Variants in STX1A observed in about 807,000 individuals in gnomAD.
The protein encoded by STX1A is syntaxin 1A.
In STX1A, 4 loss-of-function variants were observed where a neutral mutation model predicts 37.8. The observed-to-expected ratio is 0.11, with a 90% CI of 0.05 to 0.24. The LOEUF (loss-of-function observed/expected upper bound fraction) is 0.24, where lower values mean the gene tolerates loss of function less well. STX1A is among the 10% of genes least tolerant of loss of function. The pLI, the probability that STX1A is intolerant of heterozygous loss-of-function variation, is 1.00. For missense variants in STX1A, 251 were observed against 399.9 expected (o/e 0.63, Z 3.18); for synonymous variants, 135 against 147.4 (o/e 0.92, Z 0.61).
Position 73,700,668 on chromosome 7 carries a change from G to T in STX1A, c.789+62C>A. The T allele has an allele frequency of 6.3e-7, 1 of 1,598,360 alleles. No homozygotes were observed. The highest frequency in any genetic ancestry group is 8.5e-7 in the Non-Finnish European group (1 of 1,170,484). On this transcript the variant is annotated intron_variant, in intron 9 of 9. Coordinates refer to ENST00000222812, the MANE Select transcript of STX1A (RefSeq NM_004603.4). The surrounding 1 kb of genome is among the most constrained non-coding windows in gnomAD (Gnocchi z 4.4). Reference sequence around the variant, plus strand: ...GAGAGGTGGGATGGGGAGGGATGTGGGATGGTTGGGGGTCCCTAATGGGTG... The same window carrying T: ...GAGAGGTGGGATGGGGAGGGATGTGTGATGGTTGGGGGTCCCTAATGGGTG...
At chr7:73,718,029 G>A (rs1316517787) in intron 1 of STX1A, among the ~76,000 whole-genome samples, 1 of 152,064 alleles carries the variant, frequency 6.6e-6, no homozygotes, top group African/African-American at 2.4e-5. Context: ...CTGACCACTT[G>A]GTTCCCACAC....
Position 73,709,327 on chromosome 7 carries a change from C to A in STX1A, c.31-205G>T, listed in dbSNP as rs951365511. On this transcript the variant is annotated intron_variant, in intron 1 of 9. Transcript: ENST00000222812. The surrounding 1 kb of genome is among the most constrained non-coding windows in gnomAD (Gnocchi z 4.2). Reference sequence around the variant, plus strand: ...TGGGGGCCCGGCACAGAGAGAGGAACCTTGCCTGATACACTGGTGTCAAGG... The same window carrying A: ...TGGGGGCCCGGCACAGAGAGAGGAAACTTGCCTGATACACTGGTGTCAAGG... Among the ~76,000 whole-genome samples the A allele has an allele frequency of 7.2e-5, 11 of 152,082 alleles. No homozygotes were observed. The highest frequency in any genetic ancestry group is 2.7e-4 in the African/African-American group (11 of 41,400).
rs1426799496 is a variant in STX1A at position 73,709,421 on chromosome 7, G to A, written c.31-299C>T. Among the ~76,000 whole-genome samples, 1 of 152,124 alleles carries A rather than the reference G, an allele frequency of 6.6e-6. No homozygotes were observed. Among genetic ancestry groups the A allele is most frequent in the African/African-American group, 2.4e-5 (1 of 41,424 alleles). On this transcript the variant is annotated intron_variant, in intron 1 of 9. Transcript: ENST00000222812. The surrounding 1 kb of genome is among the most constrained non-coding windows in gnomAD (Gnocchi z 4.2). ...CTGCCTGCCCCCTCCCTGTGGCTGGGGAGGCAAGCGAGCCTGGGGCCGGCC... is the reference window on the plus strand; with the variant it reads ...CTGCCTGCCCCCTCCCTGTGGCTGGAGAGGCAAGCGAGCCTGGGGCCGGCC...
Position 73,705,352 on chromosome 7 carries a change from G to A in STX1A, c.209-128C>T. ...GATCCCTGTTCTCCCCTGTTCCCCT[G>A]GCTAAGGCTCTGCCTGCCCGCCCCC... On this transcript the variant is annotated intron_variant, in intron 3 of 9. Coordinates refer to ENST00000222812, the MANE Select transcript of STX1A (RefSeq NM_004603.4). This position sits in a 1 kb window ranked among gnomAD's most constrained non-coding sequence, Gnocchi z 5.2. The A allele has an allele frequency of 1.3e-6, 1 of 775,892 alleles. No homozygotes were observed. Among genetic ancestry groups the A allele is most frequent in the Non-Finnish European group, 2.2e-6 (1 of 461,668 alleles). The allele number at this position is 775,892 out of a possible 1,614,324, so 48.1% of individuals were successfully genotyped here. A position where few individuals can be genotyped will look rare whatever the true frequency, so the allele number is the denominator to read the frequency against.
chr7:73,713,531 C>A (rs1799178830), intron 1 of STX1A, among the ~76,000 whole-genome samples: 1 of 152,174 alleles, frequency 6.6e-6, no homozygotes, highest in South Asian at 2.1e-4. Context: ...GAGTTTGAGA[C>A]CAGCCAGGGC....
chr7:73,708,729 G>C, intron 2 of STX1A, 41 bp from the exon 3 acceptor site: 1 of 1,594,840 alleles, frequency 6.3e-7, no homozygotes, highest in Non-Finnish European at 8.6e-7. Flanking sequence ...GGAAATCAGG[G>C]GAGAAGCCTT....
Position 73,700,204 on chromosome 7 carries a change from C to T in STX1A, c.*203G>A, listed in dbSNP as rs928647229. The stretch of plus-strand genomic sequence containing the variant: ...CTGGCTGCCTCCCTCTGCCTCTTCC[C>T]GTACAGACGCACACTCACAGAGATC... On this transcript the variant is annotated 3_prime_UTR_variant, in exon 10 of 10. Coordinates refer to ENST00000222812, the MANE Select transcript of STX1A (RefSeq NM_004603.4). This position sits in a 1 kb window ranked among gnomAD's most constrained non-coding sequence, Gnocchi z 4.4. 26 of 619,274 alleles carry T rather than the reference C, an allele frequency of 4.2e-5. No individual in the cohort carries two copies. Among genetic ancestry groups the T allele is most frequent in the South Asian group, 1.7e-4 (9 of 52,626 alleles). 38.4% of individuals were successfully genotyped at this position (619,274 alleles called of 1,614,324 possible). A position where few individuals can be genotyped will look rare whatever the true frequency, so the allele number is the denominator to read the frequency against.
chr7:73,708,262 CAAAAAAAAAAAA>C (rs1157786155), intron 3 of STX1A, among the ~76,000 whole-genome samples: 4 of 49,798 alleles, frequency 8.0e-5, no homozygotes, highest in Non-Finnish European at 1.7e-4. Flanking sequence ...GACTCCATCT[CAAAAAAAAAAAA>C]AAAAAAAGAA....
chr7:73,705,380 C>G lies in STX1A; in HGVS notation c.209-156G>C. ...TAAGGCTCTGCCTGCCCGCCCCCCT[C>G]CCCCAATTCTGGGCCAGGGCTGCAC... On this transcript the variant is annotated intron_variant, in intron 3 of 9. Coordinates refer to ENST00000222812, the MANE Select transcript of STX1A (RefSeq NM_004603.4). This position sits in a 1 kb window ranked among gnomAD's most constrained non-coding sequence, Gnocchi z 5.2. 6 of 637,286 alleles carry G rather than the reference C, an allele frequency of 9.4e-6. No homozygotes were observed. Among genetic ancestry groups the G allele is most frequent in the Non-Finnish European group, 1.7e-5 (6 of 361,712 alleles). The allele number at this position is 637,286 out of a possible 1,614,324, so 39.5% of individuals were successfully genotyped here.
At position 73,706,241 on chromosome 7, in the gene STX1A, A is replaced by G. The variant is rs1554616925; in HGVS notation, c.209-1017T>C. 6.6e-6 allele frequency among the ~76,000 whole-genome samples: 1 copy of G among 152,116 alleles called. No individual in the cohort carries two copies. Among genetic ancestry groups the G allele is most frequent in the Non-Finnish European group, 1.5e-5 (1 of 68,000 alleles). On this transcript the variant is annotated intron_variant, in intron 3 of 9. Coordinates refer to ENST00000222812, the MANE Select transcript of STX1A (RefSeq NM_004603.4). The surrounding 1 kb of genome is among the most constrained non-coding windows in gnomAD (Gnocchi z 4.6). Reference sequence around the variant, plus strand: ...TGGGGTCACCTCCCAAGTGGAATGCAGTGAGGTGGAGCGGGGAAGGGGGGG... The same window carrying G: ...TGGGGTCACCTCCCAAGTGGAATGCGGTGAGGTGGAGCGGGGAAGGGGGGG...
rs782045970 is a variant in STX1A, at chr7:73,709,152, C to G, written c.31-30G>C. On this transcript the variant is annotated intron_variant, in intron 1 of 9. Transcript: ENST00000222812. This position sits in a 1 kb window ranked among gnomAD's most constrained non-coding sequence, Gnocchi z 4.2. ...GCGGGGTTGTGCACACATAAGTGGA[C>G]GTATGTACAGGACCCACCTGTACAC... 6 of 1,607,420 alleles carry G rather than the reference C, an allele frequency of 3.7e-6. No homozygotes were observed. In the Admixed American group the frequency reaches 8.3e-5, roughly 22 times the overall value.
At chr7:73,711,826 C>A (rs1435234957) in intron 1 of STX1A, among the ~76,000 whole-genome samples, 1 of 152,112 alleles carries the variant, frequency 6.6e-6, no homozygotes, top group African/African-American at 2.4e-5. Flanking sequence ...CCCCACCGAA[C>A]CCCTGTCCTG....
At chr7:73,703,957 C>CA in intron 6 of STX1A, 129 bp from the exon 7 acceptor site, 1 of 1,067,238 alleles carries the variant, frequency 9.4e-7, no homozygotes, top group Non-Finnish European at 1.3e-6. Flanking sequence ...CCTCAGGCCC[C>CA]GCCCCCCCGG....
At chr7:73,714,027 G>A (rs993468020) in intron 1 of STX1A, among the ~76,000 whole-genome samples, 1 of 151,934 alleles carries the variant, frequency 6.6e-6, no homozygotes, top group Non-Finnish European at 1.5e-5. Flanking sequence ...ACTGCCTAGC[G>A]CAGAACCCCA....
chr7:73,713,769 T>G (rs1799187293), intron 1 of STX1A, among the ~76,000 whole-genome samples: 1 of 152,174 alleles, frequency 6.6e-6, no homozygotes, highest in Admixed American at 6.5e-5. Flanking sequence ...TGTGGAATAA[T>G]TAGGGCCCAG....
intron 1 of STX1A, among the ~76,000 whole-genome samples, chr7:73,716,077 T>G (rs1407271998): frequency 6.6e-6 from 1 of 152,148 alleles, no homozygotes; most frequent in Non-Finnish European, 1.5e-5. Flanking sequence ...TCTGGACCTG[T>G]TTTCTGATCT....
chr7:73,714,784 A>AC (rs1476722057), intron 1 of STX1A, among the ~76,000 whole-genome samples: 1 of 150,964 alleles, frequency 6.6e-6, no homozygotes, highest in African/African-American at 2.4e-5. Context: ...TTAAAAAAAA[A>AC]AAACAAAAAC....
chr7:73,714,099 T>G (rs1435114408), intron 1 of STX1A, among the ~76,000 whole-genome samples: 3 of 151,188 alleles, frequency 2.0e-5, no homozygotes, highest in African/African-American at 7.3e-5. Flanking sequence ...AACATCCAAT[T>G]TGTCCTGGCA....
chr7:73,713,209 G>T (rs1270189560), intron 1 of STX1A, among the ~76,000 whole-genome samples: 1 of 152,214 alleles, frequency 6.6e-6, no homozygotes, highest in Non-Finnish European at 1.5e-5. Context: ...GCTAGAGCCT[G>T]GTGGCAGCAT....
Sources: gnomAD v4.1 joint callset for allele counts (sites outside exome capture counted in the v4.1 genomes callset) on GRCh38, gnomAD v4.1.1 for gene constraint, Gnocchi (gnomAD v3.1) non-coding constraint, MANE v1.5 for transcripts, NCBI Gene and HGNC (gene_info 2026-07-23, HGNC 2026-07-21) for gene names.